The following GGNBP2 variants were observed in gnomAD, a reference collection of about 807,000 sequenced individuals.
GGNBP2 encodes gametogenetin-binding protein 2.
In GGNBP2, 10 loss-of-function variants were observed where a neutral mutation model predicts 85.9. The ratio of observed to expected loss-of-function variants is 0.12; its 90% CI spans 0.07 to 0.20. The LOEUF is 0.20. GGNBP2 is among the 10% of genes least tolerant of loss of function. The pLI is 1.00. For synonymous variants in GGNBP2, 287 were observed against 285.7 expected, an observed-to-expected ratio of 1.00 and a Z score of -0.05; for missense variants, 595 against 857.8, an observed-to-expected ratio of 0.69 and a Z score of 3.83.
intron 9 of GGNBP2, 51 bp downstream of exon 9, chr17:36,581,589 A>G: frequency 7.2e-7 from 1 of 1,395,284 alleles, no homozygotes; most frequent in Non-Finnish European, 9.9e-7. Flanking sequence ...GCTTGTAGAT[A>G]GAAGTACAGG....
chr17:36,568,421 T>G (rs1478668777), intron 6 of GGNBP2, among the ~76,000 whole-genome samples: 2 of 152,110 alleles, frequency 1.3e-5, no homozygotes, highest in East Asian at 3.9e-4. Flanking sequence ...CTCAGCCTCC[T>G]GAGTAGCTGA....
At chr17:36,547,502 C>A (rs1174978981) in intron 2 of GGNBP2, 1 of 152,202 alleles carries the variant, frequency 6.6e-6, no homozygotes, top group African/African-American at 2.4e-5. Context: ...CACATAACCA[C>A]CTTTGTGAAT....
intron 6 of GGNBP2, among the ~76,000 whole-genome samples, chr17:36,571,940 T>C (rs1174206453): frequency 6.6e-6 from 1 of 151,990 alleles, no homozygotes; most frequent in East Asian, 1.9e-4. Flanking sequence ...TTTCATCTAC[T>C]CGGGAGGCTG....
At chr17:36,570,881 A>G (rs1654379324) in intron 6 of GGNBP2, among the ~76,000 whole-genome samples, 2 of 149,716 alleles carry the variant, frequency 1.3e-5, no homozygotes, top group Admixed American at 6.6e-5. Flanking sequence ...TTAGCCAGGC[A>G]TGGTGGTGCA....
intron 5 of GGNBP2, among the ~76,000 whole-genome samples, chr17:36,566,333 G>T (rs2142734635): frequency 6.6e-6 from 1 of 152,272 alleles, no homozygotes; most frequent in South Asian, 2.1e-4. Flanking sequence ...CTGTTGGGGA[G>T]GGAGAGTGGG....
chr17:36,589,457 A>ACTG lies in GGNBP2; in HGVS notation c.*48_*50dup. Reference sequence around the variant, plus strand: ...TTTCAATGAAACACTCACGATGACTACTGCGCCTTCTCTTTCGAAAAACTC... The same window carrying ACTG: ...TTTCAATGAAACACTCACGATGACTACTGCTGCGCCTTCTCTTTCGAAAAACTC... On this transcript the variant is annotated 3_prime_UTR_variant, in exon 14 of 14. Transcript: ENST00000613102. 7.0e-7 allele frequency: 1 copy of ACTG among 1,421,430 alleles called. No individual in the cohort carries two copies. The allele number at this position is 1,421,430 out of a possible 1,614,324, so 88.1% of individuals were successfully genotyped here. A position where few individuals can be genotyped will look rare whatever the true frequency, so the allele number is the denominator to read the frequency against.
chr17:36,556,073 A>G (rs1360880794), intron 3 of GGNBP2, among the ~76,000 whole-genome samples: 3 of 152,212 alleles, frequency 2.0e-5, no homozygotes, highest in Non-Finnish European at 4.4e-5. Flanking sequence ...CTACTTTCCT[A>G]TCCGTTTTTG....
intron 5 of GGNBP2, among the ~76,000 whole-genome samples, chr17:36,561,073 A>T (rs1327385141): frequency 6.6e-6 from 1 of 152,010 alleles, no homozygotes; most frequent in African/African-American, 2.4e-5. Flanking sequence ...GATCTGATTT[A>T]AAAAAATTTT....
At chr17:36,557,054 C>A (rs2074369240) in intron 3 of GGNBP2, 29 bp from the exon 4 acceptor site, 5 of 1,611,412 alleles carry the variant, frequency 3.1e-6, no homozygotes, top group Non-Finnish European at 4.2e-6. Context: ...TTTTAAAGGA[C>A]ACTCTTTCAT....
At chr17:36,564,511 A>C (rs1466409699) in intron 5 of GGNBP2, among the ~76,000 whole-genome samples, 1 of 152,212 alleles carries the variant, frequency 6.6e-6, no homozygotes, top group African/African-American at 2.4e-5. Flanking sequence ...GTTCCACTAC[A>C]TGGGAAGTCA....
At chr17:36,556,967 C>A in intron 3 of GGNBP2, 116 bp from the exon 4 acceptor site, 1 of 1,191,156 alleles carries the variant, frequency 8.4e-7, no homozygotes, top group Non-Finnish European at 1.2e-6. Context: ...GCAGGTAGAG[C>A]TGGTAAACCC....
intron 6 of GGNBP2, chr17:36,575,095 A>G (rs1393035549): frequency 2.4e-6 from 2 of 829,420 alleles, no homozygotes; most frequent in Non-Finnish European, 4.0e-6. Flanking sequence ...GGGAGAAGAC[A>G]TACATCTCCT....
At chr17:36,558,361 G>A (rs189033250) in intron 4 of GGNBP2, among the ~76,000 whole-genome samples, 46 of 130,630 alleles carry the variant, frequency 3.5e-4, no homozygotes, top group African/African-American at 1.3e-3. Context: ...GTTGCAGTGA[G>A]CTGAGATCGC....
rs1007844657 is a variant in GGNBP2, at chr17:36,545,539, C to G, written c.-106-80C>G. 4 of 565,170 alleles carry G rather than the reference C, an allele frequency of 7.1e-6. No homozygotes were observed. The East Asian group carries it at 9.0e-5, about 13-fold the overall frequency. The allele number at this position is 565,170 out of a possible 1,614,324, so 35.0% of individuals were successfully genotyped here. On this transcript the variant is annotated intron_variant, in intron 1 of 13. Transcript: ENST00000613102. ...ACGCAGCCCGGCTCTCCCGTACCCT[C>G]CCGCTCCGCTCCCTGCCCCCCGTGG...
At chr17:36,549,954 T>TC (rs1555603128) in intron 2 of GGNBP2, among the ~76,000 whole-genome samples, 1 of 151,998 alleles carries the variant, frequency 6.6e-6, no homozygotes, top group Non-Finnish European at 1.5e-5. Flanking sequence ...TTTTTTTTTT[T>TC]CGAGATGGAG....
chr17:36,585,077 G>A (rs1470026484), intron 9 of GGNBP2, among the ~76,000 whole-genome samples: 1 of 152,118 alleles, frequency 6.6e-6, no homozygotes. Context: ...CTTGACAGTT[G>A]AAGAATACAG....
chr17:36,560,410 G>A (rs968958191), intron 4 of GGNBP2, among the ~76,000 whole-genome samples: 1 of 152,164 alleles, frequency 6.6e-6, no homozygotes, highest in Admixed American at 6.5e-5. Flanking sequence ...ATAATGTTTT[G>A]TGAGGTTTTT....
At chr17:36,554,106 C>T (rs149948388) in intron 2 of GGNBP2, among the ~76,000 whole-genome samples, 10,834 of 151,724 alleles carry the variant, frequency 0.071, 663 homozygotes, top group African/African-American at 0.16. Context: ...GTCAGGAGTT[C>T]GAGACCAGCC....
chr17:36,567,507 C>T (rs1895561714), intron 5 of GGNBP2, among the ~76,000 whole-genome samples, 156 bp from the exon 6 acceptor site: 1 of 152,080 alleles, frequency 6.6e-6, no homozygotes, highest in African/African-American at 2.4e-5. Context: ...TAGTGAAGGC[C>T]ACAGGAAGGA....
Sources: allele counts gnomAD v4.1 joint callset (sites outside exome capture counted in the v4.1 genomes callset), GRCh38; gene constraint gnomAD v4.1.1; transcripts MANE v1.5; gene names NCBI Gene and HGNC (gene_info 2026-07-23, HGNC 2026-07-21).